Variants in ZFPM2 observed in about 807,000 individuals in gnomAD.
ZFPM2 encodes zinc finger protein, FOG family member 2.
Under a neutral mutation model 98.6 loss-of-function variants are expected in ZFPM2, and 20 were observed. That is an observed-to-expected ratio of 0.20 (90% CI 0.14 to 0.29). The LOEUF (loss-of-function observed/expected upper bound fraction) is 0.29. ZFPM2 is among the 10% of genes least tolerant of loss of function. The pLI is 1.00. For missense variants in ZFPM2, 1,310 were observed against 1,388.6 expected (o/e 0.94, Z 0.90); for synonymous variants, 518 against 502.7 (o/e 1.03, Z -0.41).
Position 105,788,794 on chromosome 8 carries a change from C to G in ZFPM2, c.609C>G (p.Asp203Glu). 1 of 1,613,974 alleles carries G rather than the reference C, an allele frequency of 6.2e-7. No homozygotes were observed. Among genetic ancestry groups the G allele is most frequent in the East Asian group, 2.2e-5 (1 of 44,872 alleles). ...TAATTGCCTTTGTGGTGGATTTTGA[C>G]TCAAGGCTACAAGCTGCCAGTCAGA... ...EELIAFVVDF[D>E]SRLQAASQMT... The change falls in exon 6 of 8, where the codon GAC (aspartate) becomes GAG (glutamate). Residue 203 changes from aspartate to glutamate, a missense_variant. Transcript: ENST00000407775.
chr8:105,472,971 C>T (rs1812937902), intron 3 of ZFPM2, among the ~76,000 whole-genome samples: 1 of 147,278 alleles, frequency 6.8e-6, no homozygotes, highest in African/African-American at 2.5e-5. Context: ...TCATAGCTCA[C>T]TACAGCCTGG....
intron 4 of ZFPM2, among the ~76,000 whole-genome samples, chr8:105,625,244 A>G (rs1231638254): frequency 3.3e-5 from 5 of 152,190 alleles, no homozygotes; most frequent in African/African-American, 1.2e-4. Context: ...GGTATAGCAT[A>G]TAATTTTTTT....
At chr8:105,537,054 A>G (rs1468303673) in intron 3 of ZFPM2, among the ~76,000 whole-genome samples, 2 of 152,200 alleles carry the variant, frequency 1.3e-5, no homozygotes, top group Non-Finnish European at 2.9e-5. Flanking sequence ...ATTGGATCCC[A>G]TAATCATGGC....
At chr8:105,485,094 G>A (rs1227336493) in intron 3 of ZFPM2, among the ~76,000 whole-genome samples, 1 of 152,130 alleles carries the variant, frequency 6.6e-6, no homozygotes, top group African/African-American at 2.4e-5. Context: ...TTATACATTG[G>A]TAAGTATCGC....
chr8:105,745,080 AC>A (rs1446421857), intron 5 of ZFPM2, among the ~76,000 whole-genome samples: 1 of 152,062 alleles, frequency 6.6e-6, no homozygotes, highest in Non-Finnish European at 1.5e-5. Flanking sequence ...GTCACATTTT[AC>A]CCCATCTCAG....
intron 3 of ZFPM2, among the ~76,000 whole-genome samples, chr8:105,550,350 C>T (rs1204624739): frequency 6.6e-6 from 1 of 152,114 alleles, no homozygotes; most frequent in Non-Finnish European, 1.5e-5. Context: ...GTCAATCCTT[C>T]CACCTAGTTA....
In ZFPM2 at chr8:105,413,481, A is replaced by ATT. The variant is rs796101305; in HGVS notation, c.41-5662_41-5661dup. 2.4e-3 allele frequency among the ~76,000 whole-genome samples: 260 copies of ATT among 110,248 alleles called. 3 individuals are homozygous for ATT. Among genetic ancestry groups the ATT allele is most frequent in the Middle Eastern group, 9.3e-3 (2 of 216 alleles). 72.3% of individuals were successfully genotyped at this position (110,248 alleles called of 152,430 possible). The stretch of plus-strand genomic sequence containing the variant: ...TCGATTATGATGTCACAATTCAAAC[A>ATT]TTATATATATATATATATATATATA... On this transcript the variant is annotated intron_variant, in intron 1 of 7. Transcript: ENST00000407775.
At chr8:105,768,224 A>G (rs1361208604) in intron 5 of ZFPM2, among the ~76,000 whole-genome samples, 2 of 151,870 alleles carry the variant, frequency 1.3e-5, no homozygotes, top group Admixed American at 6.6e-5. Context: ...TTAAATTCAC[A>G]TGTATTATCC....
At chr8:105,772,878 C>G (rs771918515) in intron 5 of ZFPM2, among the ~76,000 whole-genome samples, 2 of 152,098 alleles carry the variant, frequency 1.3e-5, no homozygotes, top group African/African-American at 4.8e-5. Flanking sequence ...TGTTCTTACC[C>G]TGTTTCAGAG....
chr8:105,662,025 A>G (rs375645208), intron 5 of ZFPM2, among the ~76,000 whole-genome samples: 5 of 152,174 alleles, frequency 3.3e-5, no homozygotes, highest in East Asian at 1.9e-4. Flanking sequence ...GATAAAACCA[A>G]TTGGCAACCC....
intron 1 of ZFPM2, among the ~76,000 whole-genome samples, chr8:105,380,151 G>A (rs1264664591): frequency 1.3e-5 from 2 of 152,068 alleles, no homozygotes; most frequent in Non-Finnish European, 2.9e-5. Context: ...TTCTGTAGTC[G>A]AAAGTCAATA....
chr8:105,551,301 T>C (rs1169696668), intron 3 of ZFPM2, among the ~76,000 whole-genome samples: 2 of 152,150 alleles, frequency 1.3e-5, no homozygotes, highest in African/African-American at 4.8e-5. Flanking sequence ...CATATTTAGA[T>C]ATTATTTGAA....
intron 5 of ZFPM2, among the ~76,000 whole-genome samples, chr8:105,691,117 T>A (rs1436530986): frequency 6.6e-6 from 1 of 152,098 alleles, no homozygotes; most frequent in Non-Finnish European, 1.5e-5. Context: ...TCCTCAGACA[T>A]GTAAAGCTTA....
chr8:105,359,573 A>G (rs1004114382), intron 1 of ZFPM2, among the ~76,000 whole-genome samples: 3 of 151,696 alleles, frequency 2.0e-5, no homozygotes, highest in Non-Finnish European at 4.4e-5. Context: ...ATGGGGTTTC[A>G]CCGTGTTAGC....
chr8:105,624,950 T>C (rs990600628), intron 4 of ZFPM2, among the ~76,000 whole-genome samples: 1 of 152,202 alleles, frequency 6.6e-6, no homozygotes, highest in Admixed American at 6.5e-5. Context: ...ATATTTGAGA[T>C]CCCACATACC....
intron 1 of ZFPM2, among the ~76,000 whole-genome samples, chr8:105,391,381 AG>A (rs1056201364): frequency 6.6e-6 from 1 of 152,210 alleles, no homozygotes; most frequent in African/African-American, 2.4e-5. Flanking sequence ...CTGAGTGATC[AG>A]GGTGGTGGCT....
At chr8:105,476,488 C>T (rs573695596) in intron 3 of ZFPM2, among the ~76,000 whole-genome samples, 26 of 152,166 alleles carry the variant, frequency 1.7e-4, no homozygotes, top group African/African-American at 6.0e-4. Flanking sequence ...CATGGAAAAA[C>T]ATGCACGAAA....
intron 1 of ZFPM2, among the ~76,000 whole-genome samples, chr8:105,417,571 T>G (rs1279323561): frequency 6.6e-6 from 1 of 152,286 alleles, no homozygotes; most frequent in South Asian, 2.1e-4. Context: ...CTCTTGAAAT[T>G]ATCAAATAAA....
At chr8:105,688,410 A>T (rs1810794037) in intron 5 of ZFPM2, among the ~76,000 whole-genome samples, 1 of 152,148 alleles carries the variant, frequency 6.6e-6, no homozygotes, top group South Asian at 2.1e-4. Flanking sequence ...AAATTATTGT[A>T]GGTGGTTTTA....
Sources: allele counts gnomAD v4.1 joint callset (sites outside exome capture counted in the v4.1 genomes callset), GRCh38; gene constraint gnomAD v4.1.1; transcripts MANE v1.5; gene names NCBI Gene and HGNC (gene_info 2026-07-23, HGNC 2026-07-21).